The following FOCAD variants were observed in gnomAD, a reference collection of about 807,000 sequenced individuals.
FOCAD encodes the protein focadhesin.
Under a neutral mutation model 225.6 loss-of-function variants are expected in FOCAD, and 198 were observed. The observed-to-expected ratio is 0.88, with a 90% CI of 0.78 to 0.99. The LOEUF (loss-of-function observed/expected upper bound fraction) is 0.99, where lower values mean the gene tolerates loss of function less well. Among genes scored for constraint, FOCAD ranks in the 50% least tolerant of loss-of-function variants. The pLI, the probability that FOCAD is intolerant of heterozygous loss-of-function variation, is 0.00. For missense variants in FOCAD, 2,713 were observed against 2,123.6 expected (o/e 1.28, Z -5.46); for synonymous variants, 897 against 755.0 (o/e 1.19, Z -3.08).
chr9:20,659,745 A>G (rs369130442), intron 2 of FOCAD, among the ~76,000 whole-genome samples: 2 of 152,254 alleles, frequency 1.3e-5, no homozygotes, highest in South Asian at 2.1e-4. Flanking sequence ...GAAAGATTTT[A>G]TGCAGGGAAG....
chr9:20,741,491 A>T (rs1265416214), intron 5 of FOCAD, among the ~76,000 whole-genome samples: 1 of 152,086 alleles, frequency 6.6e-6, no homozygotes, highest in Non-Finnish European at 1.5e-5. Flanking sequence ...AAACAAAGTC[A>T]TATTTGCATT....
intron 15 of FOCAD, among the ~76,000 whole-genome samples, chr9:20,848,709 C>T (rs917780811): frequency 1.3e-5 from 2 of 151,796 alleles, no homozygotes; most frequent in East Asian, 1.9e-4. Flanking sequence ...GGAATCATGC[C>T]GTACACATTC....
At chr9:20,839,409 G>T (rs111419593) in intron 15 of FOCAD, among the ~76,000 whole-genome samples, 1 of 151,586 alleles carries the variant, frequency 6.6e-6, no homozygotes, top group African/African-American at 2.4e-5. Flanking sequence ...CAGGTGTGCA[G>T]ACCCGTGCCT....
intron 10 of FOCAD, 53 bp downstream of exon 10, chr9:20,781,982 G>A (rs1192596695): frequency 2.0e-6 from 3 of 1,498,556 alleles, no homozygotes; most frequent in East Asian, 4.6e-5. Flanking sequence ...TGGGATTTCG[G>A]TCTTTACGGA....
chr9:20,826,328 A>G (rs1228533310), intron 15 of FOCAD, among the ~76,000 whole-genome samples: 2 of 152,064 alleles, frequency 1.3e-5, no homozygotes, highest in Non-Finnish European at 2.9e-5. Context: ...TCCAGTCTTC[A>G]TCTTTCTCCC....
intron 42 of FOCAD, among the ~76,000 whole-genome samples, chr9:20,992,849 G>A (rs765161925): frequency 5.3e-5 from 8 of 152,082 alleles, no homozygotes; most frequent in South Asian, 2.1e-4. Flanking sequence ...TATAGTCCCC[G>A]CTGCTCTGGA....
intron 2 of FOCAD, among the ~76,000 whole-genome samples, chr9:20,676,802 A>G (rs1028347298): frequency 6.6e-6 from 1 of 152,196 alleles, no homozygotes; most frequent in Admixed American, 6.5e-5. Flanking sequence ...TACCATTACA[A>G]TGTTCATACC....
chr9:20,988,955 T>C (rs1007904766), intron 41 of FOCAD, among the ~76,000 whole-genome samples: 6 of 152,202 alleles, frequency 3.9e-5, no homozygotes, highest in African/African-American at 7.2e-5. Flanking sequence ...GGAATTTTTA[T>C]CACACCTGCA....
chr9:20,946,606 C>CT lies in FOCAD; in HGVS notation c.3556-94dup, dbSNP rs573617489. The CT allele has an allele frequency of 3.9e-5, 53 of 1,371,382 alleles. No individual in the cohort carries two copies. The African/African-American group carries it at 4.4e-4, about 11-fold the overall frequency. 85.0% of individuals were successfully genotyped at this position (1,371,382 alleles called of 1,614,324 possible). A position where few individuals can be genotyped will look rare whatever the true frequency, so the allele number is the denominator to read the frequency against. ...AATGTATGTGAATCCAATTCTTACT[C>CT]TGGGGGGGAGTTTGACAGAATATCT... On this transcript the variant is annotated intron_variant, in intron 29 of 43. Coordinates refer to ENST00000338382, the MANE Select transcript of FOCAD (RefSeq NM_001375567.1).
intron 6 of FOCAD, among the ~76,000 whole-genome samples, chr9:20,764,426 G>A (rs1829881735): frequency 6.6e-6 from 1 of 152,148 alleles, no homozygotes; most frequent in Non-Finnish European, 1.5e-5. Flanking sequence ...GCTAATTTTT[G>A]TATTTTTAGT....
intron 26 of FOCAD, chr9:20,929,100 C>T (rs1458046983): frequency 2.6e-6 from 1 of 377,362 alleles, no homozygotes; most frequent in Non-Finnish European, 4.7e-6. Context: ...AATTTATAAC[C>T]TTTAAAAGGA....
intron 16 of FOCAD, among the ~76,000 whole-genome samples, chr9:20,863,956 T>A (rs1049340180): frequency 2.6e-5 from 4 of 152,084 alleles, no homozygotes; most frequent in African/African-American, 7.2e-5. Context: ...TTTTTTTTTC[T>A]TCCAGATTTT....
chr9:20,780,759 A>G (rs1819281121), intron 9 of FOCAD, among the ~76,000 whole-genome samples: 1 of 152,236 alleles, frequency 6.6e-6, no homozygotes, highest in African/African-American at 2.4e-5. Context: ...TACTGCTATT[A>G]TATTCATTTC....
At chr9:20,698,145 AT>A in intron 1 of FOCAD, among the ~76,000 whole-genome samples, 1 of 152,126 alleles carries the variant, frequency 6.6e-6, no homozygotes, top group Non-Finnish European at 1.5e-5. Flanking sequence ...TTATTTTTTT[AT>A]TTGAGGAGAA....
intron 15 of FOCAD, among the ~76,000 whole-genome samples, chr9:20,861,917 T>A (rs1337704305): frequency 6.6e-6 from 1 of 152,162 alleles, no homozygotes; most frequent in Non-Finnish European, 1.5e-5. Context: ...AGATATTGAA[T>A]GAAGAACACT....
chr9:20,843,455 A>T (rs1430840329), intron 15 of FOCAD, among the ~76,000 whole-genome samples: 2 of 152,076 alleles, frequency 1.3e-5, no homozygotes, highest in East Asian at 3.9e-4. Context: ...ATGTTTCCAC[A>T]GAGAGTCTGC....
At chr9:20,799,748 T>C (rs200371606) in intron 11 of FOCAD, among the ~76,000 whole-genome samples, 1 of 152,148 alleles carries the variant, frequency 6.6e-6, no homozygotes, top group Non-Finnish European at 1.5e-5. Flanking sequence ...TGTCTGTGCA[T>C]GTGAGATGGG....
chr9:20,793,033 C>T (rs1420906964), intron 11 of FOCAD, among the ~76,000 whole-genome samples: 2 of 152,200 alleles, frequency 1.3e-5, no homozygotes, highest in Non-Finnish European at 2.9e-5. Flanking sequence ...GTACTCTGTT[C>T]TGTTGTTACC....
chr9:20,838,304 G>T lies in FOCAD; in HGVS notation c.1920+15189G>T, dbSNP rs761398835. On this transcript the variant is annotated intron_variant, in intron 15 of 43. Coordinates refer to ENST00000338382, the MANE Select transcript of FOCAD (RefSeq NM_001375567.1). ...TTTTTAATTTTGAGCTTTATTAAAA[G>T]CTGGGCTTATTTCTTTTCACAATAG... 5.9e-5 allele frequency among the ~76,000 whole-genome samples: 9 copies of T among 151,508 alleles called. No homozygotes were observed. In the East Asian group the frequency reaches 7.8e-4, roughly 13 times the overall value.
Sources: allele counts gnomAD v4.1 joint callset (sites outside exome capture counted in the v4.1 genomes callset), GRCh38; gene constraint gnomAD v4.1.1; transcripts MANE v1.5; gene names NCBI Gene and HGNC (gene_info 2026-07-23, HGNC 2026-07-21).